Variants in RBPMS observed in about 807,000 individuals in gnomAD.
The protein encoded by RBPMS is RNA-binding protein with multiple splicing.
RBPMS carries 7 observed loss-of-function variants against 26.8 expected under a neutral mutation model. The ratio of observed to expected loss-of-function variants is 0.26; its 90% confidence interval spans 0.15 to 0.49. The LOEUF (loss-of-function observed/expected upper bound fraction) is 0.49. Ranked by LOEUF, RBPMS falls within the 20% of genes least tolerant of loss-of-function variation. The pLI is 0.98. For missense variants in RBPMS, 186 were observed against 250.0 expected (o/e 0.74, Z 1.73); for synonymous variants, 96 against 93.3 (o/e 1.03, Z -0.17).
Position 30,499,781 on chromosome 8 carries a change from G to C in RBPMS, c.247-4505G>C, listed in dbSNP as rs1820356451. Among the ~76,000 whole-genome samples the C allele has an allele frequency of 2.0e-5, 3 of 152,144 alleles. No individual in the cohort carries two copies. In the South Asian group the frequency reaches 6.2e-4, roughly 32 times the overall value. On this transcript the variant is annotated intron_variant, in intron 4 of 8. Transcript: ENST00000397323. ...TTAGATCTTGGATCAGGAAAACAAA[G>C]AGATGTCCTTGTTTTTAGGAAATCA...
intron 2 of RBPMS, among the ~76,000 whole-genome samples, chr8:30,475,482 G>A (rs776554936): frequency 7.9e-5 from 12 of 152,222 alleles, no homozygotes; most frequent in Non-Finnish European, 1.6e-4. Context: ...CGGGGCCCTG[G>A]AAGGGATATG....
At chr8:30,443,062 T>A (rs915873889) in intron 1 of RBPMS, among the ~76,000 whole-genome samples, 1 of 152,204 alleles carries the variant, frequency 6.6e-6, no homozygotes, top group Non-Finnish European at 1.5e-5. Context: ...TTAAGTATTC[T>A]CGTCCACACA....
At chr8:30,478,132 T>C (rs1439537687) in intron 3 of RBPMS, among the ~76,000 whole-genome samples, 1 of 152,322 alleles carries the variant, frequency 6.6e-6, no homozygotes, top group East Asian at 1.9e-4. Flanking sequence ...TATTCCCAAG[T>C]CTTTCCCATT....
At chr8:30,441,072 C>T (rs1486336986) in intron 1 of RBPMS, among the ~76,000 whole-genome samples, 1 of 151,968 alleles carries the variant, frequency 6.6e-6, no homozygotes, top group East Asian at 1.9e-4. Context: ...CCCGCCTCAG[C>T]CTTTCACAGT....
intron 1 of RBPMS, among the ~76,000 whole-genome samples, chr8:30,448,318 T>C (rs1427827081): frequency 6.6e-6 from 1 of 152,224 alleles, no homozygotes; most frequent in African/African-American, 2.4e-5. Context: ...CATATTTGGA[T>C]GTACAGCCTA....
chr8:30,561,271 C>T (rs1013412989), intron 7 of RBPMS, among the ~76,000 whole-genome samples: 2 of 152,132 alleles, frequency 1.3e-5, no homozygotes, highest in Non-Finnish European at 2.9e-5. Context: ...GTTTCGTCTT[C>T]ATATGCCCAT....
chr8:30,474,452 G>A (rs3736645), intron 1 of RBPMS, among the ~76,000 whole-genome samples: 37,113 of 151,986 alleles, frequency 0.24, 4,871 homozygotes, highest in East Asian at 0.42. Context: ...AGTGTGCAAT[G>A]GCTAGTTGGG....
At chr8:30,510,196 G>A (rs1821442647) in intron 5 of RBPMS, among the ~76,000 whole-genome samples, 1 of 152,140 alleles carries the variant, frequency 6.6e-6, no homozygotes, top group African/African-American at 2.4e-5. Context: ...AGAGCAAGAG[G>A]AATAGTGGCA....
chr8:30,473,261 GC>G (rs1817334961), intron 1 of RBPMS, among the ~76,000 whole-genome samples: 1 of 152,022 alleles, frequency 6.6e-6, no homozygotes, highest in Non-Finnish European at 1.5e-5. Context: ...CCTTTTCTCT[GC>G]CTGTGATTCT....
intron 6 of RBPMS, chr8:30,556,622 T>G: frequency 1.0e-6 from 1 of 986,222 alleles, no homozygotes. Flanking sequence ...ACTGACCCAG[T>G]GCACACAGAC....
chr8:30,481,619 T>C (rs1818290777), intron 4 of RBPMS, among the ~76,000 whole-genome samples: 1 of 152,174 alleles, frequency 6.6e-6, no homozygotes, highest in South Asian at 2.1e-4. Context: ...GTTTGCTACT[T>C]ATGTGTTAAT....
intron 7 of RBPMS, among the ~76,000 whole-genome samples, chr8:30,563,466 G>A (rs1034188512): frequency 4.6e-5 from 7 of 152,236 alleles, no homozygotes; most frequent in Non-Finnish European, 1.0e-4. Flanking sequence ...AACTGTTCTT[G>A]AAAGGGAAGA....
At chr8:30,535,460 A>G (rs1460279365) in intron 5 of RBPMS, among the ~76,000 whole-genome samples, 1 of 152,172 alleles carries the variant, frequency 6.6e-6, no homozygotes, top group African/African-American at 2.4e-5. Flanking sequence ...CTGGATTTTC[A>G]AGAGTGCTCC....
chr8:30,545,831 G>C (rs116397000), intron 6 of RBPMS, among the ~76,000 whole-genome samples: 342 of 152,308 alleles, frequency 2.2e-3, no homozygotes, highest in African/African-American at 7.8e-3. Context: ...CTGAGCCCCA[G>C]TAATGATTGC....
chr8:30,563,347 G>A lies in RBPMS; in HGVS notation c.*8-2910G>A, dbSNP rs1462344783. Among the ~76,000 whole-genome samples the A allele has an allele frequency of 2.6e-5, 4 of 152,230 alleles. No individual in the cohort carries two copies. In the South Asian group the frequency reaches 8.3e-4, roughly 32 times the overall value. Reference sequence around the variant, plus strand: ...GAATACAGAATCACGATTGAAAATTGTCAGTTTCCCAGATACACTGAGAAC... The same window carrying A: ...GAATACAGAATCACGATTGAAAATTATCAGTTTCCCAGATACACTGAGAAC... On this transcript the variant is annotated intron_variant, in intron 7 of 8. Coordinates refer to ENST00000397323, the MANE Select transcript of RBPMS (RefSeq NM_001008710.3).
chr8:30,472,676 A>T (rs374309228), intron 1 of RBPMS, among the ~76,000 whole-genome samples: 13 of 152,270 alleles, frequency 8.5e-5, no homozygotes, highest in African/African-American at 1.7e-4. Context: ...AAACATACTT[A>T]CATGCAAATG....
At chr8:30,435,280 G>A (rs1812333350) in intron 1 of RBPMS, among the ~76,000 whole-genome samples, 2 of 152,160 alleles carry the variant, frequency 1.3e-5, no homozygotes, top group African/African-American at 2.4e-5. Flanking sequence ...CATGTTTAGA[G>A]TTGGATCCCA....
chr8:30,489,732 C>T (rs773345699), intron 4 of RBPMS, among the ~76,000 whole-genome samples: 128 of 152,182 alleles, frequency 8.4e-4, no homozygotes, highest in Non-Finnish European at 7.1e-4. Context: ...CGTGAGCCAC[C>T]GTGCCTGGCT....
chr8:30,408,246 C>A (rs1427047966), intron 1 of RBPMS, among the ~76,000 whole-genome samples: 1 of 152,122 alleles, frequency 6.6e-6, no homozygotes, highest in African/African-American at 2.4e-5. Flanking sequence ...AGGCACTACT[C>A]CAGCTGGGCA....
Sources: gnomAD v4.1 joint callset for allele counts (sites outside exome capture counted in the v4.1 genomes callset) on GRCh38, gnomAD v4.1.1 for gene constraint, MANE v1.5 for transcripts, NCBI Gene and HGNC (gene_info 2026-07-23, HGNC 2026-07-21) for gene names.